The following ZFHX4 variants were observed in gnomAD, a reference collection of about 807,000 sequenced individuals.
ZFHX4 encodes the protein zinc finger homeobox protein 4.
Under a neutral mutation model 267.6 loss-of-function variants are expected in ZFHX4, and 56 were observed. The ratio of observed to expected loss-of-function variants is 0.21; its 90% CI spans 0.17 to 0.26. The LOEUF (loss-of-function observed/expected upper bound fraction) is 0.26. Ranked by LOEUF, ZFHX4 falls within the 10% of genes least tolerant of loss-of-function variation. The pLI is 1.00. For synonymous variants in ZFHX4, 1,778 were observed against 1,665.6 expected (o/e 1.07, Z -1.64); for missense variants, 4,332 against 4,420.0 (o/e 0.98, Z 0.56).
Position 76,705,382 on chromosome 8 carries a change from T to G in ZFHX4, c.1294T>G (p.Ser432Ala). The G allele has an allele frequency of 6.2e-7, 1 of 1,613,796 alleles. No homozygotes were observed. Among genetic ancestry groups the G allele is most frequent in the Non-Finnish European group, 8.5e-7 (1 of 1,179,880 alleles). ...CTCCCTCAGCCACTCATCGTCTGAG[T>G]CTAGCAAGATGTCAGAGAGCAAAGA... ...SVSLSHSSSE[S>A]SKMSESKDQE... The change falls in exon 2 of 11, where the codon TCT (serine) becomes GCT (alanine). Residue 432 changes from serine (S) to alanine (A), a missense_variant. Ser to Ala is a moderately conservative substitution (Grantham distance 99). Coordinates refer to ENST00000651372, the MANE Select transcript of ZFHX4 (RefSeq NM_024721.5).
chr8:76,793,046 A>G (rs759834119), intron 4 of ZFHX4, among the ~76,000 whole-genome samples: 14 of 152,144 alleles, frequency 9.2e-5, no homozygotes, highest in Non-Finnish European at 1.3e-4. Context: ...TCATTTTTCT[A>G]CTAAGGAAGT....
chr8:76,861,164 A>G (rs1005583154), intron 10 of ZFHX4, among the ~76,000 whole-genome samples: 6 of 152,168 alleles, frequency 3.9e-5, no homozygotes, highest in Admixed American at 2.6e-4. Flanking sequence ...TGTGTGAGCC[A>G]TTCTTCAGTA....
At chr8:76,684,320 GCA>G (rs1441495599) in intron 1 of ZFHX4, among the ~76,000 whole-genome samples, 2 of 152,006 alleles carry the variant, frequency 1.3e-5, no homozygotes, top group Non-Finnish European at 2.9e-5. Flanking sequence ...CAGCAGGAAG[GCA>G]CACAAAAATA....
Position 76,705,121 on chromosome 8 carries a change from T to C in ZFHX4, c.1033T>C (p.Tyr345His). The part of the protein sequence containing the change: ...FLEPKKSTSV[Y>H]PHFSTTNLIG... ...GGAACCAAAAAAATCCACTTCTGTT[T>C]ATCCCCATTTTTCTACTACAAACCT... Residue 345 changes from tyrosine to histidine, a missense_variant, in exon 2 of 11, where the codon TAT (tyrosine) becomes CAT (histidine). Around this residue, in one of 7 missense-constraint regions of ZFHX4, gnomAD observed 1,195 missense variants for 1,173.6 expected, o/e 1.02. Coordinates refer to ENST00000651372, the MANE Select transcript of ZFHX4 (RefSeq NM_024721.5). 6.2e-7 allele frequency: 1 copy of C among 1,613,690 alleles called. No individual in the cohort carries two copies. Among genetic ancestry groups the C allele is most frequent in the South Asian group, 1.1e-5 (1 of 91,042 alleles).
chr8:76,864,250 T>C lies in ZFHX4; in HGVS notation c.10536T>C (p.Asn3512=), dbSNP rs144584925. The change falls in exon 11 of 11, where the codon AAT becomes AAC. Residue 3512 remains asparagine (N), a synonymous_variant. Transcript: ENST00000651372. The part of the protein sequence containing the change: ...TSTSQSAASS[N]NTYPHLSCFS... Reference sequence around the variant, plus strand: ...CCTCGCAGTCTGCAGCTTCTTCTAATAACACCTATCCTCATCTTTCTTGCT... The same window carrying C: ...CCTCGCAGTCTGCAGCTTCTTCTAACAACACCTATCCTCATCTTTCTTGCT... The C allele has an allele frequency of 4.8e-5, 77 of 1,613,914 alleles. No individual in the cohort carries two copies. Among genetic ancestry groups the C allele is most frequent in the Non-Finnish European group, 6.4e-5 (75 of 1,179,840 alleles).
At chr8:76,803,180 T>C (rs552829371) in intron 4 of ZFHX4, among the ~76,000 whole-genome samples, 62 of 152,196 alleles carry the variant, frequency 4.1e-4, no homozygotes, top group Middle Eastern at 3.4e-3. Context: ...GAAATTCCTC[T>C]GTCTAGTACA....
intron 3 of ZFHX4, among the ~76,000 whole-genome samples, chr8:76,765,473 A>ATAC (rs1810028162): frequency 6.6e-6 from 1 of 152,120 alleles, no homozygotes; most frequent in Admixed American, 6.6e-5. Flanking sequence ...CTCAAATATT[A>ATAC]ATGTTATACA....
At chr8:76,697,268 T>A (rs1457659483) in intron 1 of ZFHX4, among the ~76,000 whole-genome samples, 1 of 152,006 alleles carries the variant, frequency 6.6e-6, no homozygotes, top group Non-Finnish European at 1.5e-5. Flanking sequence ...CGTCTTTACA[T>A]TGTCTTTCAT....
In ZFHX4 at chr8:76,707,551, A is replaced by C. The variant is rs1808309016; in HGVS notation, c.2596A>C (p.Asn866His). The change falls in exon 3 of 11, where the codon AAT becomes CAT. Residue 866 changes from asparagine (N) to histidine (H), a missense_variant. Coordinates refer to ENST00000651372, the MANE Select transcript of ZFHX4 (RefSeq NM_024721.5). ...TTAATTTTTTTTTCCTGTAGTAAATAATGAGCTGCCGCCTGAAATCCGGCT... is the reference window on the plus strand; with the variant it reads ...TTAATTTTTTTTTCCTGTAGTAAATCATGAGCTGCCGCCTGAAATCCGGCT... ...AAALAPGLVN[N>H]ELPPEIRLAS... The C allele has an allele frequency of 2.5e-6, 4 of 1,570,398 alleles. No individual in the cohort carries two copies. Among genetic ancestry groups the C allele is most frequent in the African/African-American group, 2.7e-5 (2 of 73,422 alleles).
intron 4 of ZFHX4, among the ~76,000 whole-genome samples, chr8:76,793,053 A>T (rs533968554): frequency 6.6e-6 from 1 of 152,246 alleles, no homozygotes; most frequent in East Asian, 1.9e-4. Context: ...TCTACTAAGG[A>T]AGTTAGTGTC....
Position 76,863,188 on chromosome 8 carries a change from G to A in ZFHX4, c.9474G>A (p.Leu3158=). 1 of 1,560,244 alleles carries A rather than the reference G, an allele frequency of 6.4e-7. No individual in the cohort carries two copies. The highest frequency in any genetic ancestry group is 8.7e-7 in the Non-Finnish European group (1 of 1,151,770). Residue 3158 remains leucine (L), a synonymous_variant, in exon 11 of 11, where the codon TTG becomes TTA. Transcript: ENST00000651372. ...LSLSSAPTKP[L]LQTPPPPPPP... ...TCAGCAGTGCCCCCACCAAACCTTTGCTGCAGACTCCACCACCTCCACCAC... is the reference window on the plus strand; with the variant it reads ...TCAGCAGTGCCCCCACCAAACCTTTACTGCAGACTCCACCACCTCCACCAC...
chr8:76,852,149 T>A lies in ZFHX4; in HGVS notation c.5228T>A (p.Ile1743Lys), dbSNP rs183956368. 6.2e-7 allele frequency: 1 copy of A among 1,613,920 alleles called. No individual in the cohort carries two copies. The highest frequency in any genetic ancestry group is 1.7e-5 in the Admixed American group (1 of 60,024). ...CCTCAGTTTCTCTTTCCATTTTATA[T>A]ACCTGGGACGGAGTTCAGCTTGGGG... Reference protein sequence around the residue: ...QQPQFLFPFYIPGTEFSLGPD... With the variant: ...QQPQFLFPFYKPGTEFSLGPD... The change falls in exon 10 of 11, where the codon ATA (isoleucine) becomes AAA (lysine). Residue 1743 changes from isoleucine to lysine, a missense_variant. By Grantham distance (102) the Ile-to-Lys change is moderately radical. Coordinates refer to ENST00000651372, the MANE Select transcript of ZFHX4 (RefSeq NM_024721.5).
At chr8:76,792,432 G>A (rs540733252) in intron 4 of ZFHX4, among the ~76,000 whole-genome samples, 2 of 152,090 alleles carry the variant, frequency 1.3e-5, no homozygotes, top group East Asian at 3.9e-4. Context: ...AGGAGCAAAA[G>A]AAAATGACTC....
At chr8:76,840,043 T>G (rs910551862) in intron 5 of ZFHX4, among the ~76,000 whole-genome samples, 1 of 152,184 alleles carries the variant, frequency 6.6e-6, no homozygotes, top group Admixed American at 6.5e-5. Flanking sequence ...TTTTGATTAT[T>G]TTTTGCATGA....
chr8:76,809,876 GA>G (rs1811332231), intron 4 of ZFHX4, among the ~76,000 whole-genome samples: 1 of 152,124 alleles, frequency 6.6e-6, no homozygotes, highest in African/African-American at 2.4e-5. Flanking sequence ...GTCTTACGTT[GA>G]TTGATATTTG....
intron 3 of ZFHX4, among the ~76,000 whole-genome samples, chr8:76,726,246 A>G (rs772558681): frequency 5.3e-5 from 8 of 152,114 alleles, no homozygotes; most frequent in Non-Finnish European, 7.4e-5. Context: ...TAAAATGGAC[A>G]TTTGTAATGC....
chr8:76,768,194 A>C (rs1156239737), intron 3 of ZFHX4, among the ~76,000 whole-genome samples: 1 of 152,164 alleles, frequency 6.6e-6, no homozygotes, highest in African/African-American at 2.4e-5. Context: ...TGAGTGATTC[A>C]GTTTTTCTGG....
At chr8:76,733,787 C>T (rs1809084351) in intron 3 of ZFHX4, among the ~76,000 whole-genome samples, 1 of 152,012 alleles carries the variant, frequency 6.6e-6, no homozygotes, top group Admixed American at 6.6e-5. Flanking sequence ...CAGGGAAAGC[C>T]CAGCTAATAT....
intron 2 of ZFHX4, among the ~76,000 whole-genome samples, chr8:76,707,256 T>C (rs1437335603): frequency 1.3e-5 from 2 of 152,192 alleles, no homozygotes; most frequent in African/African-American, 4.8e-5. Context: ...GGCTCTTAAA[T>C]TGAAAGCACG....
Sources: allele counts gnomAD v4.1 joint callset (sites outside exome capture counted in the v4.1 genomes callset), GRCh38; gene constraint gnomAD v4.1.1; regional missense constraint gnomAD v4.1.1; transcripts MANE v1.5; gene names NCBI Gene and HGNC (gene_info 2026-07-23, HGNC 2026-07-21).